CNTNAP2: variants seen among roughly 807,000 people sequenced by gnomAD.
CNTNAP2 encodes the protein contactin associated protein 2, also known as contactin-associated protein-like 2.
CNTNAP2 carries 98 observed loss-of-function variants against 155.2 expected under a neutral mutation model. The observed-to-expected ratio is 0.63, with a 90% CI of 0.54 to 0.75. The LOEUF (loss-of-function observed/expected upper bound fraction) is 0.75. Ranked by LOEUF, CNTNAP2 falls within the 30% of genes least tolerant of loss-of-function variation. The probability of loss-of-function intolerance (pLI) is 0.00; values close to 1 mark genes in which losing one functional copy is unlikely to be tolerated. For synonymous variants in CNTNAP2, 651 were observed against 631.2 expected, an observed-to-expected ratio of 1.03 and a Z score of -0.47; for missense variants, 1,727 against 1,688.1, an observed-to-expected ratio of 1.02 and a Z score of -0.40.
At position 148,420,588 on chromosome 7, in the gene CNTNAP2, C is replaced by T. The variant is rs1800092656; in HGVS notation, c.*4972C>T. The T allele has an allele frequency of 2.0e-5, 3 of 152,262 alleles. No homozygotes were observed. Among genetic ancestry groups the T allele is most frequent in the Admixed American group, 2.0e-4 (3 of 15,278 alleles). 9.4% of individuals were successfully genotyped at this position (152,262 alleles called of 1,614,324 possible). A position where few individuals can be genotyped will look rare whatever the true frequency, so the allele number is the denominator to read the frequency against. ...TGCTATAAGAACAGCTCTACCAAGA[C>T]AGTCTGCACCATTTCCAAGTCTCAG... On this transcript the variant is annotated 3_prime_UTR_variant, in exon 24 of 24. Transcript: ENST00000361727.
chr7:147,541,500 C>T (rs1157454991), intron 11 of CNTNAP2, among the ~76,000 whole-genome samples: 1 of 152,156 alleles, frequency 6.6e-6, no homozygotes. Flanking sequence ...GGAGATAGAT[C>T]ACATGCTCTC....
chr7:146,849,933 AG>A (rs1277395988), intron 3 of CNTNAP2, among the ~76,000 whole-genome samples: 4 of 152,208 alleles, frequency 2.6e-5, no homozygotes, highest in Admixed American at 6.5e-5. Context: ...CACAGCTTTC[AG>A]GATGCTTATG....
At position 146,505,774 on chromosome 7, in the gene CNTNAP2, CTGGT is replaced by C. The variant is rs145644052; in HGVS notation, c.98-268493_98-268490del. ...CAACAGATTACCATTGTCCCCATAC[CTGGT>C]TGGAGGAAGTCATCTTTGGTGTGCA... is the stretch of plus-strand genomic sequence containing the variant. On this transcript the variant is annotated intron_variant, in intron 1 of 23. Transcript: ENST00000361727. Among the ~76,000 whole-genome samples the C allele has an allele frequency of 8.2e-3, 1,255 of 152,230 alleles. 9 individuals are homozygous for C. The highest frequency in any genetic ancestry group is 0.014 in the Non-Finnish European group (966 of 68,026).
At chr7:148,085,562 A>C (rs909041598) in intron 15 of CNTNAP2, among the ~76,000 whole-genome samples, 2 of 152,226 alleles carry the variant, frequency 1.3e-5, no homozygotes, top group African/African-American at 2.4e-5. Context: ...CCAAATTGAA[A>C]AGATTATTAG....
At chr7:146,129,268 C>A (rs1407359099) in intron 1 of CNTNAP2, among the ~76,000 whole-genome samples, 1 of 152,010 alleles carries the variant, frequency 6.6e-6, no homozygotes, top group Non-Finnish European at 1.5e-5. Context: ...CAGAATATTG[C>A]AAATAAAAAT....
chr7:146,472,213 G>T (rs981223533), intron 1 of CNTNAP2, among the ~76,000 whole-genome samples: 2 of 152,172 alleles, frequency 1.3e-5, no homozygotes, highest in South Asian at 2.1e-4. Context: ...TAGACCTAAT[G>T]TAGGGAATAT....
rs116911754 is a variant in CNTNAP2, at chr7:146,786,245, C to A, written c.208+11864C>A. Among the ~76,000 whole-genome samples the A allele has an allele frequency of 2.1e-4, 28 of 133,428 alleles. No individual in the cohort carries two copies. The East Asian group carries it at 4.0e-3, about 19-fold the overall frequency. The allele number at this position is 133,428 out of a possible 152,430, so 87.5% of individuals were successfully genotyped here. A position where few individuals can be genotyped will look rare whatever the true frequency, so the allele number is the denominator to read the frequency against. The stretch of plus-strand genomic sequence containing the variant: ...CTTTTGTGACTATTTATCCCTTTTT[C>A]TTTATTTTACTTATTAAGAGGCAGA... On this transcript the variant is annotated intron_variant, in intron 2 of 23. Transcript: ENST00000361727.
At chr7:147,396,503 A>C (rs1796819084) in intron 10 of CNTNAP2, among the ~76,000 whole-genome samples, 1 of 152,054 alleles carries the variant, frequency 6.6e-6, no homozygotes, top group South Asian at 2.1e-4. Flanking sequence ...ACCTATTAAA[A>C]TATGACAAAA....
At position 147,024,434 on chromosome 7, in the gene CNTNAP2, T is replaced by C. The variant is rs186766748; in HGVS notation, c.403-19473T>C. Among the ~76,000 whole-genome samples the C allele has an allele frequency of 2.6e-5, 4 of 152,292 alleles. No individual in the cohort carries two copies. In the East Asian group the frequency reaches 7.7e-4, roughly 29 times the overall value. On this transcript the variant is annotated intron_variant, in intron 3 of 23. Coordinates refer to ENST00000361727, the MANE Select transcript of CNTNAP2 (RefSeq NM_014141.6). ...GCTTTCATGATTGTACCGTATCGTG[T>C]AGAATGTTATTATTGGAGGAAACGG...
intron 11 of CNTNAP2, among the ~76,000 whole-genome samples, chr7:147,537,166 T>C (rs1175911274): frequency 6.6e-6 from 1 of 152,218 alleles, no homozygotes; most frequent in East Asian, 1.9e-4. Flanking sequence ...TTAAATACAA[T>C]GTGAGTAACA....
chr7:147,981,817 G>GTGTGTGTGTGTGTGT (rs758963411), intron 15 of CNTNAP2, among the ~76,000 whole-genome samples: 27 of 139,002 alleles, frequency 1.9e-4, no homozygotes, highest in South Asian at 4.6e-4. Context: ...GTGTGTGTGT[G>GTGTGTGTGTGTGTGT]GTTTTTTTTT....
At chr7:147,378,848 G>A (rs1796485696) in intron 9 of CNTNAP2, among the ~76,000 whole-genome samples, 1 of 151,808 alleles carries the variant, frequency 6.6e-6, no homozygotes, top group Non-Finnish European at 1.5e-5. Flanking sequence ...ACAATGACTG[G>A]TAATTTTTAA....
At chr7:147,546,173 C>A (rs1302729105) in intron 11 of CNTNAP2, among the ~76,000 whole-genome samples, 3 of 152,068 alleles carry the variant, frequency 2.0e-5, no homozygotes. Context: ...TATGATCAGA[C>A]CCAGAATCAT....
intron 23 of CNTNAP2, among the ~76,000 whole-genome samples, chr7:148,413,806 T>C (rs112277065): frequency 1.4e-5 from 2 of 147,606 alleles, no homozygotes; most frequent in African/African-American, 2.5e-5. Flanking sequence ...ATTCACCCTT[T>C]TGTCATTATG....
chr7:147,517,143 T>A (rs1013506609), intron 11 of CNTNAP2, among the ~76,000 whole-genome samples: 1 of 152,068 alleles, frequency 6.6e-6, no homozygotes, highest in Non-Finnish European at 1.5e-5. Flanking sequence ...GTACTAGGAT[T>A]ACAGGCGTCA....
chr7:147,381,108 G>A (rs1386885557), intron 9 of CNTNAP2, among the ~76,000 whole-genome samples: 2 of 152,102 alleles, frequency 1.3e-5, no homozygotes, highest in Non-Finnish European at 2.9e-5. Flanking sequence ...GACACTGGCA[G>A]AGCTGATTGA....
At chr7:147,607,118 G>A (rs1355359954) in intron 12 of CNTNAP2, among the ~76,000 whole-genome samples, 2 of 152,102 alleles carry the variant, frequency 1.3e-5, no homozygotes, top group African/African-American at 4.8e-5. Flanking sequence ...GTGTTGCTAA[G>A]GCTCCTCACA....
At chr7:146,916,350 A>T (rs1796393977) in intron 3 of CNTNAP2, among the ~76,000 whole-genome samples, 1 of 150,062 alleles carries the variant, frequency 6.7e-6, no homozygotes, top group African/African-American at 2.4e-5. Flanking sequence ...TTTAGAGAGG[A>T]TTCCCTCTTT....
chr7:148,258,086 CACT>C lies in CNTNAP2; in HGVS notation c.3382-8944_3382-8942del, dbSNP rs376591981. ...ATTAACTGGAAGGTTTATTAGATAA[CACT>C]ACAGAGAAAGAAATAGCCGAAAGTC... On this transcript the variant is annotated intron_variant, in intron 20 of 23. Transcript: ENST00000361727. Among the ~76,000 whole-genome samples, 13 of 152,254 alleles carry C rather than the reference CACT, an allele frequency of 8.5e-5. No homozygotes were observed. In the East Asian group the frequency reaches 1.4e-3, roughly 16 times the overall value.
Sources: allele counts gnomAD v4.1 joint callset (sites outside exome capture counted in the v4.1 genomes callset), GRCh38; gene constraint gnomAD v4.1.1; transcripts MANE v1.5; gene names NCBI Gene and HGNC (gene_info 2026-07-23, HGNC 2026-07-21).